KCNT1: variants seen among roughly 807,000 people sequenced by gnomAD.
The protein encoded by KCNT1 is potassium channel subfamily T member 1.
In KCNT1, 78 loss-of-function variants were observed where a neutral mutation model predicts 147.8. The observed-to-expected ratio is 0.53, with a 90% confidence interval of 0.44 to 0.64. KCNT1 has a LOEUF of 0.64. KCNT1 is among the 30% of genes least tolerant of loss of function. The pLI, the probability that KCNT1 is intolerant of heterozygous loss-of-function variation, is 0.00. For missense variants in KCNT1, 1,419 were observed against 1,750.3 expected, an observed-to-expected ratio of 0.81 and a Z score of 3.38; for synonymous variants, 867 against 748.8, an observed-to-expected ratio of 1.16 and a Z score of -2.58.
At position 135,777,430 on chromosome 9, in the gene KCNT1, G is replaced by C; in HGVS notation, c.2442G>C (p.Leu814=). The C allele has an allele frequency of 2.5e-6, 4 of 1,614,062 alleles. No homozygotes were observed. In the South Asian group the frequency reaches 4.4e-5, roughly 18 times the overall value. The stretch of plus-strand genomic sequence containing the variant: ...CGGCAGAGACGGCCGGCAATGGGCT[G>C]TACAACTTCATCGTGCCACTGCGGG... ...IVSAETAGNG[L]YNFIVPLRAY... is the part of the protein sequence containing the mutation. Residue 814 remains leucine (L), a synonymous_variant, in exon 21 of 31, where the codon CTG becomes CTC. Coordinates refer to ENST00000371757, the MANE Select transcript of KCNT1 (RefSeq NM_020822.3).
chr9:135,778,898 C>T (rs1833377258), intron 23 of KCNT1, 76 bp downstream of exon 23: 3 of 1,554,342 alleles, frequency 1.9e-6, no homozygotes, highest in East Asian at 2.3e-5. Context: ...GAGACCCCCA[C>T]AGCCACGACC....
intron 2 of KCNT1, among the ~76,000 whole-genome samples, chr9:135,726,760 C>CCTCTCTCT (rs1231324508): frequency 1.0e-5 from 1 of 98,430 alleles, no homozygotes; most frequent in Non-Finnish European, 2.2e-5. Context: ...TCCCTCTCTC[C>CCTCTCTCT]CTCTCTCTCT....
intron 2 of KCNT1, chr9:135,736,411 A>T (rs1414722880): frequency 6.6e-6 from 1 of 152,156 alleles, no homozygotes; most frequent in African/African-American, 2.4e-5. Context: ...CTGCCAAAGC[A>T]GCCGCAGGGC....
In KCNT1 at chr9:135,785,213, C is replaced by A. The variant is rs927663461; in HGVS notation, c.3157-97C>A. The A allele has an allele frequency of 1.0e-4, 159 of 1,550,270 alleles. 1 individual carries two copies. Among genetic ancestry groups the A allele is most frequent in the Non-Finnish European group, 9.1e-5 (104 of 1,138,186 alleles). Reference sequence around the variant, plus strand: ...CACACAGCAGCAGGCACCGTGCCCACCAGCCCTAAGCATGTTCCGTGCAGA... The same window carrying A: ...CACACAGCAGCAGGCACCGTGCCCAACAGCCCTAAGCATGTTCCGTGCAGA... On this transcript the variant is annotated intron_variant, in intron 27 of 30. Transcript: ENST00000371757.
At chr9:135,765,352 C>T (rs1301672228) in intron 12 of KCNT1, among the ~76,000 whole-genome samples, 157 bp downstream of exon 12, 1 of 56,494 alleles carries the variant, frequency 1.8e-5, no homozygotes, top group Non-Finnish European at 3.8e-5. Context: ...CCAGAGACGC[C>T]ATCCTCTCCC....
At position 135,786,358 on chromosome 9, in the gene KCNT1, C is replaced by T; in HGVS notation, c.3339C>T (p.Ala1113=). 6.3e-7 allele frequency: 1 copy of T among 1,583,064 alleles called. No individual in the cohort carries two copies. Among genetic ancestry groups the T allele is most frequent in the East Asian group, 2.3e-5 (1 of 43,584 alleles). The change falls in exon 29 of 31, where the codon GCC becomes GCT. Residue 1113 remains alanine, a synonymous_variant. Coordinates refer to ENST00000371757, the MANE Select transcript of KCNT1 (RefSeq NM_020822.3). ...TACGGCGCAAGAGCCTGCAGTGGGCCCGGAGGCTGAGCCGCAAGGCGCCCA... is the reference window on the plus strand; with the variant it reads ...TACGGCGCAAGAGCCTGCAGTGGGCTCGGAGGCTGAGCCGCAAGGCGCCCA... The part of the protein sequence containing the change: ...PLLRRKSLQW[A]RRLSRKAPKQ...
chr9:135,765,168 C>T lies in KCNT1; in HGVS notation c.1173C>T (p.Asn391=), dbSNP rs374015551. The change falls in exon 12 of 31, where the codon AAC becomes AAT. Residue 391 remains asparagine (N), a synonymous_variant. Transcript: ENST00000371757. ...LKIDLLMDFL[N]EFYAHPRLQD... is the part of the protein sequence containing the mutation. ...TCGACCTTCTCATGGACTTCCTGAA[C>T]GAGTTCTACGCCCACCCCCGGCTCC... The T allele has an allele frequency of 7.3e-5, 117 of 1,613,002 alleles. 1 individual carries two copies. Among genetic ancestry groups the T allele is most frequent in the Admixed American group, 5.5e-4 (33 of 59,986 alleles).
rs76915698 is a variant in KCNT1 at position 135,751,291 on chromosome 9, C to T, written c.434+250C>T. On this transcript the variant is annotated intron_variant, in intron 4 of 30. Coordinates refer to ENST00000371757, the MANE Select transcript of KCNT1 (RefSeq NM_020822.3). ...TTCCAGCTGTGCCCTTAGCTACTAGCGGACCCAGAAGGTCCACGGAAAGGC... is the reference window on the plus strand; with the variant it reads ...TTCCAGCTGTGCCCTTAGCTACTAGTGGACCCAGAAGGTCCACGGAAAGGC... 3.8e-3 allele frequency among the ~76,000 whole-genome samples: 571 copies of T among 151,952 alleles called. 2 individuals are homozygous for T. The highest frequency in any genetic ancestry group is 0.013 in the African/African-American group (551 of 41,434).
chr9:135,735,931 T>C (rs1375774374), intron 2 of KCNT1, among the ~76,000 whole-genome samples: 1 of 152,058 alleles, frequency 6.6e-6, no homozygotes, highest in Non-Finnish European at 1.5e-5. Flanking sequence ...GTCTGTGACA[T>C]GGAAGGGAAC....
Position 135,751,060 on chromosome 9 carries a change from C to T in KCNT1, c.434+19C>T, listed in dbSNP as rs772750955. 24 of 1,603,020 alleles carry T rather than the reference C, an allele frequency of 1.5e-5. No homozygotes were observed. The highest frequency in any genetic ancestry group is 1.7e-4 in the Middle Eastern group (1 of 5,848). Reference sequence around the variant, plus strand: ...TCGGATGGTGGGCCACGTGCGCGGCCGGGCGCGGGGTCCCGGGTCCCAGGG... The same window carrying T: ...TCGGATGGTGGGCCACGTGCGCGGCTGGGCGCGGGGTCCCGGGTCCCAGGG... On this transcript the variant is annotated intron_variant, in intron 4 of 30. Coordinates refer to ENST00000371757, the MANE Select transcript of KCNT1 (RefSeq NM_020822.3).
At chr9:135,722,988 T>C (rs936893462) in intron 2 of KCNT1, among the ~76,000 whole-genome samples, 1 of 152,206 alleles carries the variant, frequency 6.6e-6, no homozygotes, top group African/African-American at 2.4e-5. Context: ...TGCCCCTTCA[T>C]TTCAAATTCC....
intron 2 of KCNT1, among the ~76,000 whole-genome samples, chr9:135,717,295 G>A (rs1342520737): frequency 6.6e-6 from 1 of 152,084 alleles, no homozygotes; most frequent in Admixed American, 6.6e-5. Context: ...GAGGGAAGGG[G>A]ACCTGGCTCC....
chr9:135,766,712 GCAGGA>G (rs1281505363), intron 13 of KCNT1: 1 of 152,702 alleles, frequency 6.5e-6, no homozygotes, highest in Non-Finnish European at 1.5e-5. Context: ...GCCCAGATGA[GCAGGA>G]CCCTGCAGCC....
At chr9:135,778,330 C>G in intron 21 of KCNT1, 94 bp from the exon 22 acceptor site, 2 of 1,194,150 alleles carry the variant, frequency 1.7e-6, no homozygotes, top group Non-Finnish European at 2.4e-6. Context: ...CCCTGCCTGG[C>G]CCAGCTCTGT....
chr9:135,708,048 T>TC, intron 1 of KCNT1, among the ~76,000 whole-genome samples: 1 of 152,178 alleles, frequency 6.6e-6, no homozygotes, highest in Non-Finnish European at 1.5e-5. Context: ...AAGGAAGCGT[T>TC]GAGTTTTCTG....
At position 135,752,498 on chromosome 9, in the gene KCNT1, T is replaced by C. The variant is rs1254657493; in HGVS notation, c.435-1439T>C. The C allele has an allele frequency of 2.2e-6, 1 of 453,768 alleles. No individual in the cohort carries two copies. The highest frequency in any genetic ancestry group is 4.4e-6 in the Non-Finnish European group (1 of 225,810). The allele number at this position is 453,768 out of a possible 1,614,324, so 28.1% of individuals were successfully genotyped here. Reference sequence around the variant, plus strand: ...AAGTCCCAGGGTCCCCTGGGGCTTCTGGTTTCACATCCCCACAGGGCCCAA... The same window carrying C: ...AAGTCCCAGGGTCCCCTGGGGCTTCCGGTTTCACATCCCCACAGGGCCCAA... On this transcript the variant is annotated intron_variant, in intron 4 of 30. Coordinates refer to ENST00000371757, the MANE Select transcript of KCNT1 (RefSeq NM_020822.3). The surrounding 1 kb of genome is among the most constrained non-coding windows in gnomAD (Gnocchi z 5.1).
At chr9:135,711,613 C>T (rs1371195120) in intron 1 of KCNT1, among the ~76,000 whole-genome samples, 1 of 152,230 alleles carries the variant, frequency 6.6e-6, no homozygotes, top group Non-Finnish European at 1.5e-5. Context: ...ATGGGGTTGT[C>T]AGGGTCAGTG....
At chr9:135,705,843 A>T (rs1835230257) in intron 1 of KCNT1, among the ~76,000 whole-genome samples, 1 of 139,174 alleles carries the variant, frequency 7.2e-6, no homozygotes, top group African/African-American at 2.7e-5. Flanking sequence ...TTCCTGGGGT[A>T]GGTCCCTGGG....
At chr9:135,748,045 G>A (rs930262544) in intron 2 of KCNT1, among the ~76,000 whole-genome samples, 2 of 152,134 alleles carry the variant, frequency 1.3e-5, no homozygotes, top group Admixed American at 1.3e-4. Flanking sequence ...AAGTTCAAAC[G>A]ATTCTCCTGC....
Sources: gnomAD v4.1 joint callset for allele counts (sites outside exome capture counted in the v4.1 genomes callset) on GRCh38, gnomAD v4.1.1 for gene constraint, Gnocchi (gnomAD v3.1) non-coding constraint, MANE v1.5 for transcripts, NCBI Gene and HGNC (gene_info 2026-07-23, HGNC 2026-07-21) for gene names.